The following ZHX2 variants were observed in gnomAD, a reference collection of about 807,000 sequenced individuals.
The protein encoded by ZHX2 is zinc fingers and homeoboxes 2, also known as zinc fingers and homeoboxes protein 2.
Under a neutral mutation model 21.9 loss-of-function variants are expected in ZHX2, and 6 were observed. The ratio of observed to expected loss-of-function variants is 0.27; its 90% CI spans 0.15 to 0.54. The LOEUF (loss-of-function observed/expected upper bound fraction) is 0.54. Ranked by LOEUF, ZHX2 falls within the 20% of genes least tolerant of loss-of-function variation. The pLI is 0.95. For missense variants in ZHX2, 908 were observed against 1,090.7 expected, an observed-to-expected ratio of 0.83 and a Z score of 2.36; for synonymous variants, 434 against 437.1, an observed-to-expected ratio of 0.99 and a Z score of 0.09.
At chr8:122,836,493 G>A (rs1818500624) in intron 1 of ZHX2, among the ~76,000 whole-genome samples, 1 of 152,170 alleles carries the variant, frequency 6.6e-6, no homozygotes, top group Non-Finnish European at 1.5e-5. Context: ...CGGAGAGCGC[G>A]CGTTCGAACC....
chr8:122,909,158 C>T (rs887889469), intron 2 of ZHX2, among the ~76,000 whole-genome samples: 46 of 152,192 alleles, frequency 3.0e-4, no homozygotes, highest in African/African-American at 9.6e-4. Context: ...GGGCCAGGCG[C>T]GTTGGCTCAT....
chr8:122,794,353 T>TC (rs1817581126), intron 1 of ZHX2, among the ~76,000 whole-genome samples: 1 of 151,978 alleles, frequency 6.6e-6, no homozygotes, highest in African/African-American at 2.4e-5. Context: ...CACCAATCTC[T>TC]CCCCTCCTCC....
intron 2 of ZHX2, among the ~76,000 whole-genome samples, chr8:122,879,720 C>T (rs1463820448): frequency 6.6e-6 from 1 of 152,088 alleles, no homozygotes; most frequent in African/African-American, 2.4e-5. Context: ...TCTAACTCAG[C>T]CCTCGGGCCA....
chr8:122,967,716 C>T (rs1813617963), intron 3 of ZHX2, among the ~76,000 whole-genome samples: 2 of 152,234 alleles, frequency 1.3e-5, no homozygotes, highest in South Asian at 4.1e-4. Flanking sequence ...GTTGTTTGCT[C>T]CTTTGAAGCA....
chr8:122,935,770 C>T (rs1381625354), intron 2 of ZHX2, among the ~76,000 whole-genome samples: 1 of 152,040 alleles, frequency 6.6e-6, no homozygotes, highest in Non-Finnish European at 1.5e-5. Flanking sequence ...CTCCTGACCT[C>T]GTGATCCGCC....
intron 1 of ZHX2, among the ~76,000 whole-genome samples, chr8:122,848,830 G>A (rs1346839518): frequency 6.6e-6 from 1 of 152,238 alleles, no homozygotes; most frequent in Non-Finnish European, 1.5e-5. Flanking sequence ...GGTCCTCATG[G>A]CCAGGGTGGG....
intron 2 of ZHX2, among the ~76,000 whole-genome samples, chr8:122,893,108 G>A (rs1282495789): frequency 2.0e-5 from 3 of 152,138 alleles, no homozygotes; most frequent in Non-Finnish European, 4.4e-5. Context: ...TTCTTGAGTA[G>A]TTGGTTTTTG....
At chr8:122,780,893 G>A (rs1817264550), upstream of ZHX2, 1 of 152,152 alleles carries the variant, frequency 6.6e-6, no homozygotes, top group Admixed American at 6.5e-5. Context: ...TGGCTCTTAA[G>A]GGAAAAAAGT....
chr8:122,846,295 G>C (rs1000027319), intron 1 of ZHX2, among the ~76,000 whole-genome samples: 4 of 152,202 alleles, frequency 2.6e-5, no homozygotes, highest in African/African-American at 9.7e-5. Context: ...CTTTTGCAAA[G>C]AGTCAGGTTC....
intron 1 of ZHX2, among the ~76,000 whole-genome samples, chr8:122,785,001 C>T (rs1253882215): frequency 6.6e-6 from 1 of 152,222 alleles, no homozygotes; most frequent in Non-Finnish European, 1.5e-5. Context: ...GATACACACC[C>T]CCTGCCCTCT....
chr8:122,935,197 T>C (rs575067007), intron 2 of ZHX2, among the ~76,000 whole-genome samples: 2 of 151,972 alleles, frequency 1.3e-5, no homozygotes, highest in Admixed American at 1.3e-4. Flanking sequence ...CTCATATTTA[T>C]CTATTCCTGA....
At chr8:122,926,500 C>T (rs781042835) in intron 2 of ZHX2, among the ~76,000 whole-genome samples, 24 of 152,172 alleles carry the variant, frequency 1.6e-4, no homozygotes, top group Non-Finnish European at 2.4e-4. Context: ...CGCTTCAGGA[C>T]GATGGGGAAC....
At chr8:122,968,357 G>C (rs1383590665) in intron 3 of ZHX2, among the ~76,000 whole-genome samples, 1 of 152,106 alleles carries the variant, frequency 6.6e-6, no homozygotes, top group African/African-American at 2.4e-5. Flanking sequence ...GAGAGCTTTG[G>C]CGGGATGTGG....
chr8:122,951,345 T>G lies in ZHX2; in HGVS notation c.-166T>G. 1.6e-6 allele frequency: 1 copy of G among 640,408 alleles called. No individual in the cohort carries two copies. Among genetic ancestry groups the G allele is most frequent in the Non-Finnish European group, 2.7e-6 (1 of 375,684 alleles). The allele number at this position is 640,408 out of a possible 1,614,324, so 39.7% of individuals were successfully genotyped here. A position where few individuals can be genotyped will look rare whatever the true frequency, so the allele number is the denominator to read the frequency against. ...TTGGTGCCATTCCAATTTTCTGTGC[T>G]GAAATCATTCTGAAAACTCAAACAG... is the stretch of plus-strand genomic sequence containing the variant. On this transcript the variant is annotated 5_prime_UTR_variant, in exon 3 of 4. The change abolishes the stop of an existing upstream ORF in the 5' untranslated region. Transcript: ENST00000314393.
At chr8:122,954,611 T>C (rs1813245836) in intron 3 of ZHX2, among the ~76,000 whole-genome samples, 1 of 152,130 alleles carries the variant, frequency 6.6e-6, no homozygotes, top group Non-Finnish European at 1.5e-5. Context: ...GCCCGGCTGA[T>C]GAGTTATTTG....
At chr8:122,875,558 T>A (rs2129734008) in intron 2 of ZHX2, among the ~76,000 whole-genome samples, 1 of 152,080 alleles carries the variant, frequency 6.6e-6, no homozygotes, top group South Asian at 2.1e-4. Context: ...TTTCATAAGA[T>A]TTGTAGCAAC....
intron 2 of ZHX2, among the ~76,000 whole-genome samples, chr8:122,866,911 A>G (rs1586341807): frequency 6.6e-6 from 1 of 151,904 alleles, no homozygotes; most frequent in Non-Finnish European, 1.5e-5. Flanking sequence ...TGCAACCTCC[A>G]TCTCCTGGGC....
At chr8:122,901,385 G>T (rs2129939067) in intron 2 of ZHX2, among the ~76,000 whole-genome samples, 1 of 152,290 alleles carries the variant, frequency 6.6e-6, no homozygotes, top group African/African-American at 2.4e-5. Flanking sequence ...TGCTTCAGTG[G>T]TTTTGAGGTG....
intron 3 of ZHX2, among the ~76,000 whole-genome samples, chr8:122,956,540 G>A (rs914425842): frequency 4.6e-5 from 7 of 152,242 alleles, no homozygotes; most frequent in African/African-American, 1.7e-4. Context: ...GCACAGACAA[G>A]GGAAAGAGGG....
Sources: gnomAD v4.1 joint callset for allele counts (sites outside exome capture counted in the v4.1 genomes callset) on GRCh38, gnomAD v4.1.1 for gene constraint, MANE v1.5 for transcripts, NCBI Gene and HGNC (gene_info 2026-07-23, HGNC 2026-07-21) for gene names.